CNTNAP2: variants seen among roughly 807,000 people sequenced by gnomAD.
The protein encoded by CNTNAP2 is contactin-associated protein-like 2.
In CNTNAP2, 98 loss-of-function variants were observed where a neutral mutation model predicts 155.2. That is an observed-to-expected ratio of 0.63 (90% CI 0.54 to 0.75). The LOEUF is 0.75. Among genes scored for constraint, CNTNAP2 ranks in the 30% least tolerant of loss-of-function variants. The probability of loss-of-function intolerance (pLI) is 0.00; values close to 1 mark genes in which losing one functional copy is unlikely to be tolerated. For missense variants in CNTNAP2, 1,727 were observed against 1,688.1 expected (o/e 1.02, Z -0.40); for synonymous variants, 651 against 631.2 (o/e 1.03, Z -0.47).
chr7:147,711,213 G>A (rs1175040345), intron 13 of CNTNAP2, among the ~76,000 whole-genome samples: 1 of 152,134 alleles, frequency 6.6e-6, no homozygotes, highest in African/African-American at 2.4e-5. Flanking sequence ...GATTCTGAGT[G>A]GAATTTAGCA....
rs528001650 is a variant in CNTNAP2 at position 148,055,049 on chromosome 7, A to AT, written c.2384-63062dup. ...AAGTGGACACCACCACGCCTGGCTA[A>AT]TTTTTTTGTATTTTTAGTAGAGACG... is the stretch of plus-strand genomic sequence containing the variant. On this transcript the variant is annotated intron_variant, in intron 15 of 23. Transcript: ENST00000361727. Among the ~76,000 whole-genome samples the AT allele has an allele frequency of 4.5e-3, 678 of 151,768 alleles. 5 individuals are homozygous for AT. The highest frequency in any genetic ancestry group is 0.016 in the African/African-American group (658 of 41,388).
intron 1 of CNTNAP2, among the ~76,000 whole-genome samples, chr7:146,178,600 A>T (rs1369556549): frequency 6.6e-6 from 1 of 152,134 alleles, no homozygotes; most frequent in Non-Finnish European, 1.5e-5. Context: ...TCCAGTGTGC[A>T]ATTCTGTGTG....
chr7:146,484,599 TACTA>T (rs780165636), intron 1 of CNTNAP2, among the ~76,000 whole-genome samples: 24 of 152,006 alleles, frequency 1.6e-4, no homozygotes, highest in Non-Finnish European at 3.2e-4. Flanking sequence ...AAAGACATTA[TACTA>T]AAACAAAAAT....
At chr7:148,036,449 G>T (rs979746575) in intron 15 of CNTNAP2, among the ~76,000 whole-genome samples, 13 of 152,010 alleles carry the variant, frequency 8.6e-5, no homozygotes, top group African/African-American at 2.2e-4. Context: ...TGGTTTCTGG[G>T]GCGAATTGCT....
intron 1 of CNTNAP2, among the ~76,000 whole-genome samples, chr7:146,362,581 A>C (rs182096859): frequency 9.2e-5 from 14 of 152,190 alleles, no homozygotes; most frequent in African/African-American, 3.4e-4. Context: ...ATGTGACTAG[A>C]ACAAGCTGGG....
intron 13 of CNTNAP2, among the ~76,000 whole-genome samples, chr7:147,644,608 C>T (rs1306160727): frequency 6.6e-6 from 1 of 152,056 alleles, no homozygotes; most frequent in Non-Finnish European, 1.5e-5. Context: ...GGCGATAGAG[C>T]GAGACTCTGT....
chr7:147,188,328 A>G (rs1389857119), intron 8 of CNTNAP2, among the ~76,000 whole-genome samples: 1 of 152,178 alleles, frequency 6.6e-6, no homozygotes, highest in Non-Finnish European at 1.5e-5. Context: ...AACAGCAGCC[A>G]GTTGAGAAGT....
chr7:146,974,963 C>G (rs927350098), intron 3 of CNTNAP2, among the ~76,000 whole-genome samples: 68 of 152,148 alleles, frequency 4.5e-4, no homozygotes, highest in African/African-American at 1.6e-3. Context: ...CAGAGAGAGA[C>G]TCTATCTAAA....
At position 147,038,175 on chromosome 7, in the gene CNTNAP2, T is replaced by C. The variant is rs150838359; in HGVS notation, c.403-5732T>C. Among the ~76,000 whole-genome samples the C allele has an allele frequency of 3.7e-3, 566 of 152,084 alleles. 7 individuals are homozygous for C. Among genetic ancestry groups the C allele is most frequent in the Middle Eastern group, 0.014 (4 of 294 alleles). On this transcript the variant is annotated intron_variant, in intron 3 of 23. Transcript: ENST00000361727. The stretch of plus-strand genomic sequence containing the variant: ...TGTCTCTAAAAATAAAATATAACAA[T>C]AAAAATAACAACAGAAGCACAAACT...
chr7:147,281,715 G>T (rs1310558380), intron 8 of CNTNAP2, among the ~76,000 whole-genome samples: 1 of 151,680 alleles, frequency 6.6e-6, no homozygotes, highest in Non-Finnish European at 1.5e-5. Flanking sequence ...CATATTCATA[G>T]AATATATTCA....
intron 1 of CNTNAP2, among the ~76,000 whole-genome samples, chr7:146,745,806 C>T (rs931691734): frequency 1.3e-5 from 2 of 151,110 alleles, no homozygotes; most frequent in Admixed American, 1.3e-4. Context: ...GTAACATTTG[C>T]CATTGGTAGA....
At chr7:147,229,988 A>G (rs1337095247) in intron 8 of CNTNAP2, among the ~76,000 whole-genome samples, 1 of 152,148 alleles carries the variant, frequency 6.6e-6, no homozygotes, top group African/African-American at 2.4e-5. Context: ...TCAAACTACG[A>G]GTTTCCAATC....
At chr7:146,667,415 A>G (rs183290064) in intron 1 of CNTNAP2, among the ~76,000 whole-genome samples, 32 of 152,156 alleles carry the variant, frequency 2.1e-4, no homozygotes, top group Admixed American at 1.9e-3. Flanking sequence ...TGGTAATATG[A>G]TGCTTCCATA....
Position 147,951,768 on chromosome 7 carries a change from C to T in CNTNAP2, c.2256-26094C>T, listed in dbSNP as rs529197505. Among the ~76,000 whole-genome samples, 20 of 150,614 alleles carry T rather than the reference C, an allele frequency of 1.3e-4. No homozygotes were observed. The East Asian group carries it at 1.6e-3, about 12-fold the overall frequency. ...GAACAACATACAAGGGGGGCCTGTC[C>T]GGGGGTAGAGGGCAAAGAGAGGAAG... is the stretch of plus-strand genomic sequence containing the variant. On this transcript the variant is annotated intron_variant, in intron 14 of 23. Coordinates refer to ENST00000361727, the MANE Select transcript of CNTNAP2 (RefSeq NM_014141.6).
At chr7:146,527,628 G>A (rs574010094) in intron 1 of CNTNAP2, among the ~76,000 whole-genome samples, 1 of 151,892 alleles carries the variant, frequency 6.6e-6, no homozygotes, top group African/African-American at 2.4e-5. Context: ...TTTACTTTAA[G>A]AATAAATAAT....
chr7:147,980,933 C>CAAAAA (rs34927518), intron 15 of CNTNAP2, among the ~76,000 whole-genome samples: 30 of 93,966 alleles, frequency 3.2e-4, no homozygotes, highest in East Asian at 7.2e-4. Context: ...TCCATCTTAA[C>CAAAAA]AAAAAAAAAA....
intron 18 of CNTNAP2, among the ~76,000 whole-genome samples, chr7:148,181,388 A>G (rs1795035956): frequency 6.6e-6 from 1 of 152,242 alleles, no homozygotes; most frequent in Non-Finnish European, 1.5e-5. Flanking sequence ...GTCAGAAAAT[A>G]TTTATGGATG....
At chr7:146,924,290 T>C (rs1045395466) in intron 3 of CNTNAP2, among the ~76,000 whole-genome samples, 14 of 152,138 alleles carry the variant, frequency 9.2e-5, no homozygotes, top group African/African-American at 2.9e-4. Context: ...TCCTGGTGTC[T>C]AGAGGTCTAA....
At chr7:148,309,086 A>G (rs920634083) in intron 21 of CNTNAP2, among the ~76,000 whole-genome samples, 1 of 152,172 alleles carries the variant, frequency 6.6e-6, no homozygotes, top group Non-Finnish European at 1.5e-5. Flanking sequence ...CTTTGGGTAT[A>G]TAGCCAGTAA....
Sources: gnomAD v4.1 joint callset for allele counts (sites outside exome capture counted in the v4.1 genomes callset) on GRCh38, gnomAD v4.1.1 for gene constraint, MANE v1.5 for transcripts, NCBI Gene and HGNC (gene_info 2026-07-23, HGNC 2026-07-21) for gene names.